LOC400499: variants seen among roughly 807,000 people sequenced by gnomAD.
chr16:11,376,619 A>G, the LOC400499 span, among the ~76,000 whole-genome samples: 2 of 152,340 alleles, frequency 1.3e-5, no homozygotes, highest in African/African-American at 4.8e-5. Flanking sequence ...GAAATTGGGA[A>G]GTATAAGACG....
chr16:11,468,686 G>C, the LOC400499 span, among the ~76,000 whole-genome samples: 1 of 152,150 alleles, frequency 6.6e-6, no homozygotes, highest in African/African-American at 2.4e-5. Context: ...GGAATGCAGT[G>C]GCATGATCTC....
the LOC400499 span, among the ~76,000 whole-genome samples, chr16:11,382,164 C>T: frequency 6.6e-6 from 1 of 152,148 alleles, no homozygotes; most frequent in Non-Finnish European, 1.5e-5. Flanking sequence ...TCTCAAACTC[C>T]TGACCTCAGG....
chr16:11,431,915 T>C, the LOC400499 span, among the ~76,000 whole-genome samples: 1 of 152,154 alleles, frequency 6.6e-6, no homozygotes, highest in Non-Finnish European at 1.5e-5. Context: ...AGTGACAATG[T>C]AGAACTTTCA....
the LOC400499 span, among the ~76,000 whole-genome samples, chr16:11,468,567 C>G: frequency 2.6e-5 from 4 of 152,142 alleles, no homozygotes; most frequent in Non-Finnish European, 5.9e-5. Flanking sequence ...CTCAAGTGAT[C>G]CTCCCAACTT....
the LOC400499 span, chr16:11,460,713 C>T: frequency 7.1e-7 from 1 of 1,415,334 alleles, no homozygotes; most frequent in South Asian, 1.5e-5. Flanking sequence ...TCAGCCACAC[C>T]CCCCATGCTT....
the LOC400499 span, among the ~76,000 whole-genome samples, chr16:11,473,470 T>C: frequency 1.3e-5 from 2 of 152,170 alleles, no homozygotes; most frequent in South Asian, 2.1e-4. Flanking sequence ...ATTAACGAAG[T>C]TTCTCATTAA....
At chr16:11,460,282 C>T in the LOC400499 span, among the ~76,000 whole-genome samples, 1 of 152,184 alleles carries the variant, frequency 6.6e-6, no homozygotes, top group Non-Finnish European at 1.5e-5. Context: ...CTGCAACCTC[C>T]GCCTCCTGGG....
the LOC400499 span, among the ~76,000 whole-genome samples, chr16:11,433,035 C>G: frequency 1.1e-3 from 165 of 152,234 alleles, no homozygotes; most frequent in Non-Finnish European, 2.1e-3. Context: ...CCAAAGCTGG[C>G]CCACCACTTG....
the LOC400499 span, among the ~76,000 whole-genome samples, chr16:11,429,789 T>TA: frequency 2.1e-4 from 32 of 149,224 alleles, no homozygotes; most frequent in Admixed American, 3.3e-4. Flanking sequence ...GCAATAAATT[T>TA]AAAAAAAAAA....
chr16:11,394,940 T>G, the LOC400499 span, among the ~76,000 whole-genome samples: 1 of 152,232 alleles, frequency 6.6e-6, no homozygotes, highest in Non-Finnish European at 1.5e-5. Flanking sequence ...GGTGGCAATT[T>G]AATACAGTAG....
chr16:11,445,527 A>T, the LOC400499 span, among the ~76,000 whole-genome samples: 316 of 152,266 alleles, frequency 2.1e-3, no homozygotes, highest in Non-Finnish European at 3.6e-3. Context: ...CTCAATCCTA[A>T]AAGATGAGTA....
At chr16:11,451,281 A>G in the LOC400499 span, among the ~76,000 whole-genome samples, 1 of 152,206 alleles carries the variant, frequency 6.6e-6, no homozygotes, top group Admixed American at 6.5e-5. Context: ...CAATTTTTTC[A>G]TAATAAAACA....
chr16:11,440,771 A>C, the LOC400499 span: 1 of 398,930 alleles, frequency 2.5e-6, no homozygotes, highest in Non-Finnish European at 4.4e-6. Context: ...TCCATGCCAA[A>C]GTTGAATGTT....
At chr16:11,516,835 T>G in the LOC400499 span, among the ~76,000 whole-genome samples, 1 of 152,178 alleles carries the variant, frequency 6.6e-6, no homozygotes, top group Non-Finnish European at 1.5e-5. Context: ...TTTGTAGAGA[T>G]AGATTCCCGC....
the LOC400499 span, chr16:11,469,657 C>A: frequency 4.2e-4 from 169 of 399,116 alleles, no homozygotes; most frequent in African/African-American, 3.3e-3. Context: ...TTGGGGGAAC[C>A]AGCTGCCCTT....
the LOC400499 span, among the ~76,000 whole-genome samples, chr16:11,406,684 G>A: frequency 0.19 from 28,218 of 152,138 alleles, 3,177 homozygotes; most frequent in Non-Finnish European, 0.26. Context: ...CACCCGCCTC[G>A]GCCTCCCAAA....
At chr16:11,393,158 C>A in the LOC400499 span, among the ~76,000 whole-genome samples, 4 of 138,808 alleles carry the variant, frequency 2.9e-5, no homozygotes, top group Admixed American at 2.1e-4. Context: ...CTGGCCACCC[C>A]CCCCCCTTTT....
At chr16:11,407,970 G>GTT in the LOC400499 span, among the ~76,000 whole-genome samples, 483 of 63,458 alleles carry the variant, frequency 7.6e-3, 62 homozygotes, top group East Asian at 0.012. Flanking sequence ...TTCCAGAGCT[G>GTT]TTTTTTTTTT....
chr16:11,490,056 A>G, the LOC400499 span, among the ~76,000 whole-genome samples: 654 of 152,288 alleles, frequency 4.3e-3, 9 homozygotes, highest in African/African-American at 0.015. Flanking sequence ...AGAGTCCACA[A>G]GAGCTATAGA....
Sources: gnomAD v4.1 joint callset for allele counts (sites outside exome capture counted in the v4.1 genomes callset) on GRCh38, gnomAD v4.1.1 for gene constraint, MANE v1.5 for transcripts.